Variants in PCDHGB5 observed in about 807,000 individuals in gnomAD.
PCDHGB5 encodes protocadherin gamma subfamily B, 5, also known as protocadherin gamma-B5.
PCDHGB5 carries 48 observed loss-of-function variants against 62.9 expected under a neutral mutation model. That is an observed-to-expected ratio of 0.76 (90% confidence interval 0.61 to 0.97). The LOEUF is 0.97. Among genes scored for constraint, PCDHGB5 ranks in the 50% least tolerant of loss-of-function variants. The pLI, the probability that PCDHGB5 is intolerant of heterozygous loss-of-function variation, is 0.00. For missense variants in PCDHGB5, 1,118 were observed against 1,198.6 expected, an observed-to-expected ratio of 0.93 and a Z score of 0.99; for synonymous variants, 474 against 511.2, an observed-to-expected ratio of 0.93 and a Z score of 0.98.
chr5:141,408,316 G>T (rs1407149479), intron 1 of PCDHGB5: 2 of 1,613,750 alleles, frequency 1.2e-6, no homozygotes, highest in African/African-American at 1.3e-5. Flanking sequence ...ACTCGATTCC[G>T]GAGGAGCTGG....
rs1421541308 is a variant in PCDHGB5 at position 141,409,559 on chromosome 5, G to C, written c.2397+9035G>C. On this transcript the variant is annotated intron_variant, in intron 1 of 3. Coordinates refer to ENST00000617380, the MANE Select transcript of PCDHGB5 (RefSeq NM_018925.3). The stretch of plus-strand genomic sequence containing the variant: ...CATCAACGACAACGCCCCAGTTTTC[G>C]ACCAGACGTCCTACGTGGTCCACGT... The C allele has an allele frequency of 1.9e-6, 3 of 1,613,936 alleles. No individual in the cohort carries two copies. The highest frequency in any genetic ancestry group is 1.7e-6 in the Non-Finnish European group (2 of 1,179,910).
chr5:141,398,313 G>T lies in PCDHGB5; in HGVS notation c.186G>T (p.Pro62=), dbSNP rs1270917645. The T allele has an allele frequency of 6.6e-6, 9 of 1,358,982 alleles. No individual in the cohort carries two copies. The South Asian group carries it at 1.1e-4, about 16-fold the overall frequency. 84.2% of individuals were successfully genotyped at this position (1,358,982 alleles called of 1,614,324 possible). A position where few individuals can be genotyped will look rare whatever the true frequency, so the allele number is the denominator to read the frequency against. ...TGGGGTTCAGCGTCCAGGAGTTACC[G>T]ACTCGAAAACTGCGCGTCAGTTCGG... ...TDLGFSVQEL[P]TRKLRVSSEK... Residue 62 remains proline, a synonymous_variant, in exon 1 of 4, where the codon CCG becomes CCT. Transcript: ENST00000617380.
At chr5:141,410,851 T>A in intron 1 of PCDHGB5, 3 of 207,068 alleles carry the variant, frequency 1.4e-5, no homozygotes, top group Non-Finnish European at 1.7e-5. Flanking sequence ...GTCTTTGTCT[T>A]TTTTTTTTTT....
chr5:141,460,224 T>C (rs986301555), intron 1 of PCDHGB5, among the ~76,000 whole-genome samples: 1 of 152,168 alleles, frequency 6.6e-6, no homozygotes, highest in African/African-American at 2.4e-5. Context: ...GTTGTGTCTT[T>C]TGAAGAGCAG....
At chr5:141,410,676 T>G in intron 1 of PCDHGB5, 1 of 1,550,692 alleles carries the variant, frequency 6.4e-7, no homozygotes, top group African/African-American at 1.4e-5. Flanking sequence ...TTTCTCATAT[T>G]TTAGGCATAC....
chr5:141,444,044 T>C (rs188266846), intron 1 of PCDHGB5, among the ~76,000 whole-genome samples: 1 of 152,098 alleles, frequency 6.6e-6, no homozygotes, highest in East Asian at 1.9e-4. Flanking sequence ...ATCAGATAAT[T>C]TGGCATCTTC....
In PCDHGB5 at chr5:141,432,487, G is replaced by A; in HGVS notation, c.2397+31963G>A. On this transcript the variant is annotated intron_variant, in intron 1 of 3. Coordinates refer to ENST00000617380, the MANE Select transcript of PCDHGB5 (RefSeq NM_018925.3). This position sits in a 1 kb window ranked among gnomAD's most constrained non-coding sequence, Gnocchi z 6.0. ...CCACGGACGGTTCCACTGGCGTGGA[G>A]CTGGCTCCCCGCTCCGCAGAGCCCG... 1.2e-6 allele frequency: 2 copies of A among 1,614,208 alleles called. No homozygotes were observed. The highest frequency in any genetic ancestry group is 2.2e-5 in the East Asian group (1 of 44,874).
Position 141,491,755 on chromosome 5 carries a change from G to A in PCDHGB5, c.2398-3052G>A. On this transcript the variant is annotated intron_variant, in intron 1 of 3. Transcript: ENST00000617380. This position sits in a 1 kb window ranked among gnomAD's most constrained non-coding sequence, Gnocchi z 6.9. Reference sequence around the variant, plus strand: ...CCCTGGGGGCGGCACTGGAGAAGCCGCCCGTCCTCATAAGGGATTGAACTT... The same window carrying A: ...CCCTGGGGGCGGCACTGGAGAAGCCACCCGTCCTCATAAGGGATTGAACTT... 6 of 1,582,196 alleles carry A rather than the reference G, an allele frequency of 3.8e-6. No individual in the cohort carries two copies. The highest frequency in any genetic ancestry group is 5.1e-6 in the Non-Finnish European group (6 of 1,165,450).
intron 1 of PCDHGB5, chr5:141,420,099 C>G: frequency 2.5e-6 from 4 of 1,613,996 alleles, no homozygotes; most frequent in Non-Finnish European, 3.4e-6. Context: ...AGTGAGGGAA[C>G]GTTGCCCTAT....
Position 141,490,226 on chromosome 5 carries a change from C to T in PCDHGB5, c.2398-4581C>T. On this transcript the variant is annotated intron_variant, in intron 1 of 3. Coordinates refer to ENST00000617380, the MANE Select transcript of PCDHGB5 (RefSeq NM_018925.3). This position sits in a 1 kb window ranked among gnomAD's most constrained non-coding sequence, Gnocchi z 5.4. ...AGAGCCCGTGACCAGGGACAGCCTG[C>T]CATGGAGGGCCACTGTGTGATTCAA... The T allele has an allele frequency of 6.2e-7, 1 of 1,614,168 alleles. No homozygotes were observed. Among genetic ancestry groups the T allele is most frequent in the Non-Finnish European group, 8.5e-7 (1 of 1,180,020 alleles).
At chr5:141,425,827 T>C (rs2096896512) in intron 1 of PCDHGB5, among the ~76,000 whole-genome samples, 1 of 152,226 alleles carries the variant, frequency 6.6e-6, no homozygotes, top group South Asian at 2.1e-4. Context: ...AAACAAACTT[T>C]TAAATTCTCT....
rs1386737349 is a variant in PCDHGB5 at position 141,486,423 on chromosome 5, C to T, written c.2398-8384C>T. The T allele has an allele frequency of 6.2e-7, 1 of 1,614,042 alleles. No individual in the cohort carries two copies. The highest frequency in any genetic ancestry group is 8.5e-7 in the Non-Finnish European group (1 of 1,180,030). ...ACTGCTGGACCCTTGGATCGAGAGG[C>T]CAAATCTAGCTATGACATCATGGTC... is the stretch of plus-strand genomic sequence containing the variant. On this transcript the variant is annotated intron_variant, in intron 1 of 3. Transcript: ENST00000617380. The surrounding 1 kb of genome is among the most constrained non-coding windows in gnomAD (Gnocchi z 5.0).
At chr5:141,442,701 A>AG (rs1388473196) in intron 1 of PCDHGB5, among the ~76,000 whole-genome samples, 5 of 152,258 alleles carry the variant, frequency 3.3e-5, no homozygotes, top group Non-Finnish European at 7.3e-5. Flanking sequence ...AGACAAGAGT[A>AG]TCAGACATGC....
Position 141,404,273 on chromosome 5 carries a change from C to A in PCDHGB5, c.2397+3749C>A, listed in dbSNP as rs751189949. 4.3e-6 allele frequency: 7 copies of A among 1,613,988 alleles called. No homozygotes were observed. The highest frequency in any genetic ancestry group is 5.9e-6 in the Non-Finnish European group (7 of 1,179,880). On this transcript the variant is annotated intron_variant, in intron 1 of 3. Coordinates refer to ENST00000617380, the MANE Select transcript of PCDHGB5 (RefSeq NM_018925.3). ...GTCCACAGAAATTCACATCACCCTG[C>A]AAGTGACTGACATCAATGATAATCC...
At position 141,409,100 on chromosome 5, in the gene PCDHGB5, A is replaced by G. The variant is rs1341878280; in HGVS notation, c.2397+8576A>G. ...GTTCTCATTGGATGAGAAAACAGGT[A>G]TGATTAAGAATAACCAGTCATTTGA... is the stretch of plus-strand genomic sequence containing the variant. On this transcript the variant is annotated intron_variant, in intron 1 of 3. Transcript: ENST00000617380. The G allele has an allele frequency of 6.8e-6, 11 of 1,613,934 alleles. No homozygotes were observed. In the Admixed American group the frequency reaches 1.0e-4, roughly 15 times the overall value.
At chr5:141,409,652 A>G in intron 1 of PCDHGB5, 1 of 1,613,654 alleles carries the variant, frequency 6.2e-7, no homozygotes, top group Non-Finnish European at 8.5e-7. Flanking sequence ...TTTGGGGCTC[A>G]ATGGCCACAT....
chr5:141,398,387 G>T lies in PCDHGB5; in HGVS notation c.260G>T (p.Ser87Ile). 2 of 1,455,430 alleles carry T rather than the reference G, an allele frequency of 1.4e-6. No homozygotes were observed. The highest frequency in any genetic ancestry group is 1.9e-6 in the Non-Finnish European group (2 of 1,049,062). 90.2% of individuals were successfully genotyped at this position (1,455,430 alleles called of 1,614,324 possible). A position where few individuals can be genotyped will look rare whatever the true frequency, so the allele number is the denominator to read the frequency against. ...VSAESGELLV[S>I]SRLDREEICG... is the part of the protein sequence containing the mutation. ...GCAGAGAGCGGGGAGTTGCTTGTGA[G>T]CAGCAGGCTAGACAGGGAGGAGATA... Residue 87 changes from serine to isoleucine, a missense_variant, in exon 1 of 4, where the codon AGC (serine) becomes ATC (isoleucine). Physicochemically the swap from Ser to Ile is moderately radical, Grantham distance 142 (BLOSUM62 -2). Around this residue, in one of 2 missense-constraint regions of PCDHGB5, gnomAD observed 84 missense variants for 169.5 expected, o/e 0.50. Coordinates refer to ENST00000617380, the MANE Select transcript of PCDHGB5 (RefSeq NM_018925.3).
At position 141,490,207 on chromosome 5, in the gene PCDHGB5, C is replaced by G. The variant is rs142098675; in HGVS notation, c.2398-4600C>G. ...TTTCTATGAAATTCATGCAAGAGCC[C>G]GTGACCAGGGACAGCCTGCCATGGA... On this transcript the variant is annotated intron_variant, in intron 1 of 3. Coordinates refer to ENST00000617380, the MANE Select transcript of PCDHGB5 (RefSeq NM_018925.3). This position sits in a 1 kb window ranked among gnomAD's most constrained non-coding sequence, Gnocchi z 5.4. 2.9e-4 allele frequency: 470 copies of G among 1,614,056 alleles called. 1 individual carries two copies. Among genetic ancestry groups the G allele is most frequent in the Non-Finnish European group, 3.7e-4 (439 of 1,180,030 alleles).
intron 1 of PCDHGB5, 108 bp from the exon 2 acceptor site, chr5:141,494,699 T>G: frequency 6.3e-7 from 1 of 1,592,240 alleles, no homozygotes; most frequent in East Asian, 2.3e-5. Context: ...GTCCGTTTTC[T>G]TCTCTGTGCC....
Sources: gnomAD v4.1 joint callset for allele counts (sites outside exome capture counted in the v4.1 genomes callset) on GRCh38, gnomAD v4.1.1 for gene constraint, gnomAD v4.1.1 regional missense constraint, Gnocchi (gnomAD v3.1) non-coding constraint, MANE v1.5 for transcripts, NCBI Gene and HGNC (gene_info 2026-07-23, HGNC 2026-07-21) for gene names.